Variants in BFSP2 observed in about 807,000 individuals in gnomAD.
BFSP2 encodes the protein phakinin.
In BFSP2, 38 loss-of-function variants were observed where a neutral mutation model predicts 44.9. The ratio of observed to expected loss-of-function variants is 0.85; its 90% confidence interval spans 0.65 to 1.11. The LOEUF is 1.11. Among genes scored for constraint, BFSP2 ranks in the 50% least tolerant of loss-of-function variants. The probability of loss-of-function intolerance (pLI) is 0.00; values close to 1 mark genes in which losing one functional copy is unlikely to be tolerated. For missense variants in BFSP2, 525 were observed against 533.0 expected (o/e 0.99, Z 0.15); for synonymous variants, 197 against 209.9 (o/e 0.94, Z 0.53).
intron 1 of BFSP2, among the ~76,000 whole-genome samples, chr3:133,444,293 A>G (rs970019104): frequency 2.6e-5 from 4 of 152,132 alleles, no homozygotes; most frequent in Non-Finnish European, 5.9e-5. Flanking sequence ...CGTTCATGCA[A>G]TATTTACTCT....
chr3:133,427,544 C>T (rs987592777), intron 1 of BFSP2, among the ~76,000 whole-genome samples: 1 of 152,256 alleles, frequency 6.6e-6, no homozygotes, highest in African/African-American at 2.4e-5. Context: ...CCTTCCTAAT[C>T]CTCTACTTAC....
At chr3:133,433,253 C>G (rs1280779668) in intron 1 of BFSP2, among the ~76,000 whole-genome samples, 1 of 152,198 alleles carries the variant, frequency 6.6e-6, no homozygotes, top group African/African-American at 2.4e-5. Flanking sequence ...TCACCCTGAT[C>G]ACACTTAGTT....
At chr3:133,439,285 A>G (rs2073821629) in intron 1 of BFSP2, among the ~76,000 whole-genome samples, 1 of 152,092 alleles carries the variant, frequency 6.6e-6, no homozygotes, top group African/African-American at 2.4e-5. Flanking sequence ...CTGTACCTCT[A>G]TTTTCTGCCT....
rs1296627822 is a variant in BFSP2, at chr3:133,400,935, T to C, written c.489+363T>C. On this transcript the variant is annotated intron_variant, in intron 1 of 6. Transcript: ENST00000302334. The surrounding 1 kb of genome is among the most constrained non-coding windows in gnomAD (Gnocchi z 4.0). ...AACCTGAATTTTTGTGCCTCCAAAGTTGCATTTGCCCCATTACCCTGGGGC... is the reference window on the plus strand; with the variant it reads ...AACCTGAATTTTTGTGCCTCCAAAGCTGCATTTGCCCCATTACCCTGGGGC... 6.6e-6 allele frequency among the ~76,000 whole-genome samples: 1 copy of C among 152,198 alleles called. No individual in the cohort carries two copies. The highest frequency in any genetic ancestry group is 2.4e-5 in the African/African-American group (1 of 41,456).
chr3:133,467,444 C>CA (rs2074123024), intron 5 of BFSP2, among the ~76,000 whole-genome samples: 1 of 152,128 alleles, frequency 6.6e-6, no homozygotes, highest in South Asian at 2.1e-4. Flanking sequence ...TCGCTTAGTG[C>CA]CTTCCTCTGC....
chr3:133,445,182 G>A (rs1408318626), intron 1 of BFSP2, among the ~76,000 whole-genome samples: 1 of 152,208 alleles, frequency 6.6e-6, no homozygotes, highest in Non-Finnish European at 1.5e-5. Flanking sequence ...GCATTATACT[G>A]GAGCAGGCTT....
chr3:133,415,564 G>T (rs2073515415), intron 1 of BFSP2, among the ~76,000 whole-genome samples: 1 of 30,310 alleles, frequency 3.3e-5, no homozygotes, highest in African/African-American at 1.4e-4. Flanking sequence ...ACTCACCCCT[G>T]CCCCCTCCGC....
chr3:133,448,789 T>C (rs2073928706), intron 3 of BFSP2, 144 bp downstream of exon 3: 4 of 1,094,262 alleles, frequency 3.7e-6, no homozygotes, highest in Admixed American at 4.6e-5. Flanking sequence ...ACCTGTAAAA[T>C]ACTTTCAGAT....
At chr3:133,405,665 C>T (rs997898869) in intron 1 of BFSP2, among the ~76,000 whole-genome samples, 1 of 152,240 alleles carries the variant, frequency 6.6e-6, no homozygotes, top group African/African-American at 2.4e-5. Context: ...GGCCTGAACA[C>T]ATTTCCCCAA....
At chr3:133,410,009 C>A in intron 1 of BFSP2, 1 of 173,302 alleles carries the variant, frequency 5.8e-6, no homozygotes. Flanking sequence ...AAGGCGGGAT[C>A]AGGAAATTCA....
At chr3:133,407,001 G>A (rs1319169897) in intron 1 of BFSP2, among the ~76,000 whole-genome samples, 1 of 152,214 alleles carries the variant, frequency 6.6e-6, no homozygotes, top group Non-Finnish European at 1.5e-5. Context: ...TTGAGCCTGG[G>A]AGGTTGAGGC....
intron 1 of BFSP2, among the ~76,000 whole-genome samples, chr3:133,424,068 G>A (rs2073619297): frequency 6.6e-6 from 1 of 151,408 alleles, no homozygotes; most frequent in Admixed American, 6.6e-5. Context: ...CGGGGGCGGC[G>A]GGGAATGGAG....
At chr3:133,437,530 C>G (rs2073800132) in intron 1 of BFSP2, among the ~76,000 whole-genome samples, 1 of 124,476 alleles carries the variant, frequency 8.0e-6, no homozygotes, top group South Asian at 2.6e-4. Context: ...TCTCAAAAAA[C>G]AAAACAAACA....
intron 1 of BFSP2, among the ~76,000 whole-genome samples, chr3:133,418,128 CT>C (rs2073561657): frequency 6.7e-6 from 1 of 149,226 alleles, no homozygotes; most frequent in South Asian, 2.2e-4. Context: ...CTACTCACCC[CT>C]GTCCTCTCCC....
At chr3:133,469,746 C>G (rs962723797) in intron 5 of BFSP2, among the ~76,000 whole-genome samples, 1 of 152,218 alleles carries the variant, frequency 6.6e-6, no homozygotes, top group Admixed American at 6.5e-5. Flanking sequence ...CTCTTTCTGC[C>G]ATAATGTCAG....
chr3:133,437,821 C>G (rs1179098477), intron 1 of BFSP2, among the ~76,000 whole-genome samples: 1 of 152,156 alleles, frequency 6.6e-6, no homozygotes, highest in Admixed American at 6.5e-5. Flanking sequence ...CATTATTCTG[C>G]AGGCCTGAGA....
intron 4 of BFSP2, among the ~76,000 whole-genome samples, chr3:133,453,083 G>A (rs1485723869): frequency 6.6e-6 from 1 of 152,164 alleles, no homozygotes. Context: ...AATGCTGCCT[G>A]GGCCTCTTGC....
At chr3:133,457,952 C>A (rs1027469815) in intron 4 of BFSP2, among the ~76,000 whole-genome samples, 1 of 152,214 alleles carries the variant, frequency 6.6e-6, no homozygotes, top group Non-Finnish European at 1.5e-5. Context: ...TAGTCACTAA[C>A]ATGGTATACC....
intron 4 of BFSP2, chr3:133,455,733 C>G (rs1377619711): frequency 6.6e-6 from 1 of 152,264 alleles, no homozygotes; most frequent in Non-Finnish European, 1.5e-5. Flanking sequence ...CCCCAAACCC[C>G]CACCATCTCA....
Sources: gnomAD v4.1 joint callset for allele counts (sites outside exome capture counted in the v4.1 genomes callset) on GRCh38, gnomAD v4.1.1 for gene constraint, Gnocchi (gnomAD v3.1) non-coding constraint, MANE v1.5 for transcripts, NCBI Gene and HGNC (gene_info 2026-07-23, HGNC 2026-07-21) for gene names.